Variants in STXBP6 observed in about 807,000 individuals in gnomAD.
The protein encoded by STXBP6 is syntaxin binding protein 6.
A neutral mutation model predicts 26.9 loss-of-function variants in STXBP6; 21 were observed. The ratio of observed to expected loss-of-function variants is 0.78; its 90% CI spans 0.55 to 1.12. STXBP6 has a LOEUF of 1.12. STXBP6 is among the 50% of genes most tolerant of loss of function. The pLI is 0.00. For synonymous variants in STXBP6, 97 were observed against 92.6 expected (o/e 1.05, Z -0.27); for missense variants, 232 against 257.9 (o/e 0.90, Z 0.69).
At chr14:24,873,550 T>C (rs1379107789) in intron 2 of STXBP6, among the ~76,000 whole-genome samples, 1 of 152,122 alleles carries the variant, frequency 6.6e-6, no homozygotes, top group Non-Finnish European at 1.5e-5. Flanking sequence ...TATGAAGTGA[T>C]TGGTTTGGGA....
intron 2 of STXBP6, among the ~76,000 whole-genome samples, chr14:24,911,145 T>C (rs1566468641): frequency 6.6e-6 from 1 of 152,006 alleles, no homozygotes; most frequent in Admixed American, 6.6e-5. Flanking sequence ...GGCAACATAG[T>C]GAGACTTTGT....
intron 2 of STXBP6, among the ~76,000 whole-genome samples, chr14:24,898,005 C>G (rs1034064562): frequency 1.3e-5 from 2 of 152,178 alleles, no homozygotes; most frequent in Non-Finnish European, 2.9e-5. Flanking sequence ...GTTGTTTCAT[C>G]TTTGCATAGC....
chr14:24,995,442 G>A (rs1004226876), intron 1 of STXBP6, among the ~76,000 whole-genome samples: 4 of 147,658 alleles, frequency 2.7e-5, no homozygotes, highest in African/African-American at 1.0e-4. Flanking sequence ...TTTTTTTTTT[G>A]CATGAATGGA....
Position 25,049,601 on chromosome 14 carries a change from C to T in STXBP6, c.-33+277G>A. 1 of 985,432 alleles carries T rather than the reference C, an allele frequency of 1.0e-6. No individual in the cohort carries two copies. Among genetic ancestry groups the T allele is most frequent in the Non-Finnish European group, 1.2e-6 (1 of 829,952 alleles). 61.0% of individuals were successfully genotyped at this position (985,432 alleles called of 1,614,324 possible). A position where few individuals can be genotyped will look rare whatever the true frequency, so the allele number is the denominator to read the frequency against. On this transcript the variant is annotated intron_variant, in intron 1 of 5. Coordinates refer to ENST00000323944, the MANE Select transcript of STXBP6 (RefSeq NM_001394410.1). The surrounding 1 kb of genome is among the most constrained non-coding windows in gnomAD (Gnocchi z 5.6). ...GAAATCGCTCCGTTCTGCGGCTTGC[C>T]CAATACTGCCCGCACAACGGGTCCC...
intron 2 of STXBP6, among the ~76,000 whole-genome samples, chr14:24,889,295 AAAC>A (rs2070703523): frequency 1.4e-5 from 2 of 143,860 alleles, no homozygotes; most frequent in African/African-American, 5.2e-5. Flanking sequence ...GAAAACTTAA[AAAC>A]AACAACAACA....
intron 4 of STXBP6, among the ~76,000 whole-genome samples, chr14:24,848,047 T>C (rs772148220): frequency 6.6e-6 from 1 of 152,154 alleles, no homozygotes; most frequent in Non-Finnish European, 1.5e-5. Context: ...TAACACAGAT[T>C]AGGAAAGCTC....
rs2074371584 is a variant in STXBP6 at position 24,987,855 on chromosome 14, A to T, written c.-32-13005T>A. ...AACAAACAGAAAATGGACAAAGAGC[A>T]GAGCAAAGCTGGAATAAGATACACA... is the stretch of plus-strand genomic sequence containing the variant. On this transcript the variant is annotated intron_variant, in intron 1 of 5. Transcript: ENST00000323944. The T allele has an allele frequency of 4.1e-6, 4 of 985,438 alleles. No homozygotes were observed. The South Asian group carries it at 1.9e-4, about 46-fold the overall frequency. 61.0% of individuals were successfully genotyped at this position (985,438 alleles called of 1,614,324 possible).
chr14:24,840,274 T>C (rs373605215), intron 4 of STXBP6, among the ~76,000 whole-genome samples: 1 of 152,198 alleles, frequency 6.6e-6, no homozygotes, highest in Non-Finnish European at 1.5e-5. Context: ...AGAGGACTAC[T>C]TTCCAGGCTA....
chr14:24,869,382 A>G (rs1372800881), intron 2 of STXBP6, among the ~76,000 whole-genome samples: 4 of 152,234 alleles, frequency 2.6e-5, no homozygotes, highest in African/African-American at 9.6e-5. Flanking sequence ...GGTGAAACCC[A>G]TTGTTATACA....
chr14:24,978,873 G>A (rs1403482784), intron 1 of STXBP6, among the ~76,000 whole-genome samples: 3 of 152,190 alleles, frequency 2.0e-5, no homozygotes, highest in African/African-American at 7.2e-5. Flanking sequence ...TGACCTCAGA[G>A]AACAGGTAGA....
rs150941242 is a variant in STXBP6 at position 24,810,769 on chromosome 14, C to A, written c.*1940G>T. ...CAACCACTTCTGTTCTTGAATTTGGCGGACTGTCAGGGGGTTTTAGATTTA... is the reference window on the plus strand; with the variant it reads ...CAACCACTTCTGTTCTTGAATTTGGAGGACTGTCAGGGGGTTTTAGATTTA... On this transcript the variant is annotated 3_prime_UTR_variant, in exon 6 of 6. Transcript: ENST00000323944. 6.6e-6 allele frequency: 1 copy of A among 151,866 alleles called. No homozygotes were observed. Among genetic ancestry groups the A allele is most frequent in the Admixed American group, 6.6e-5 (1 of 15,208 alleles). The allele number at this position is 151,866 out of a possible 1,614,324, so 9.4% of individuals were successfully genotyped here.
intron 2 of STXBP6, among the ~76,000 whole-genome samples, chr14:24,966,375 C>T (rs1595209284): frequency 7.6e-6 from 1 of 132,308 alleles, no homozygotes; most frequent in Non-Finnish European, 1.6e-5. Flanking sequence ...TTCTCCAGAT[C>T]TAGCCCTGTC....
chr14:24,990,581 C>T (rs1412622024), intron 1 of STXBP6, among the ~76,000 whole-genome samples: 1 of 145,242 alleles, frequency 6.9e-6, no homozygotes, highest in Non-Finnish European at 1.5e-5. Context: ...TTGCTTGAAC[C>T]TGGGAGGCGG....
intron 2 of STXBP6, among the ~76,000 whole-genome samples, chr14:24,964,064 A>G (rs1404031741): frequency 6.6e-6 from 1 of 151,568 alleles, no homozygotes; most frequent in Non-Finnish European, 1.5e-5. Context: ...GTGAGCCCAG[A>G]GTTCAGGCAG....
intron 2 of STXBP6, among the ~76,000 whole-genome samples, chr14:24,912,650 C>G (rs1049957526): frequency 6.6e-6 from 1 of 152,080 alleles, no homozygotes; most frequent in Non-Finnish European, 1.5e-5. Context: ...GCAAGAGGTA[C>G]AAGTGAGTAA....
chr14:24,856,623 A>C (rs998609653), intron 3 of STXBP6, among the ~76,000 whole-genome samples: 1 of 152,098 alleles, frequency 6.6e-6, no homozygotes, highest in Non-Finnish European at 1.5e-5. Flanking sequence ...ATCACAATGC[A>C]TACTGAAAGA....
At chr14:24,869,856 C>T (rs948668887) in intron 2 of STXBP6, among the ~76,000 whole-genome samples, 9 of 152,162 alleles carry the variant, frequency 5.9e-5, no homozygotes, top group Admixed American at 5.9e-4. Flanking sequence ...CTGTTGCTCT[C>T]AGTAAACACT....
chr14:24,972,063 A>G lies in STXBP6; in HGVS notation c.154+2602T>C, dbSNP rs548023453. ...TCTTTGTCACTTACAAGAAACATCA[A>G]ACTGCAAAAATCTTGGGTGTCAAAG... On this transcript the variant is annotated intron_variant, in intron 2 of 5. Transcript: ENST00000323944. Among the ~76,000 whole-genome samples, 10 of 152,310 alleles carry G rather than the reference A, an allele frequency of 6.6e-5. No homozygotes were observed. In the South Asian group the frequency reaches 1.9e-3, roughly 28 times the overall value.
intron 2 of STXBP6, among the ~76,000 whole-genome samples, chr14:24,926,888 A>G (rs1309886780): frequency 6.6e-6 from 1 of 152,156 alleles, no homozygotes; most frequent in African/African-American, 2.4e-5. Flanking sequence ...ACTTAGAATT[A>G]TACCTCGAGA....
Sources: allele counts gnomAD v4.1 joint callset (sites outside exome capture counted in the v4.1 genomes callset), GRCh38; gene constraint gnomAD v4.1.1; non-coding constraint Gnocchi (gnomAD v3.1); transcripts MANE v1.5; gene names NCBI Gene and HGNC (gene_info 2026-07-23, HGNC 2026-07-21).